Variants in KIF13A observed in about 807,000 individuals in gnomAD.
The protein encoded by KIF13A is kinesin family member 13A, also known as kinesin-like protein KIF13A.
In KIF13A, 79 loss-of-function variants were observed where a neutral mutation model predicts 212.2. The ratio of observed to expected loss-of-function variants is 0.37; its 90% CI spans 0.31 to 0.45. The LOEUF (loss-of-function observed/expected upper bound fraction) is 0.45. KIF13A is among the 20% of genes least tolerant of loss of function. The probability of loss-of-function intolerance (pLI) is 1.00; values close to 1 mark genes in which losing one functional copy is unlikely to be tolerated. For missense variants in KIF13A, 1,901 were observed against 2,209.0 expected, an observed-to-expected ratio of 0.86 and a Z score of 2.79; for synonymous variants, 789 against 808.6, an observed-to-expected ratio of 0.98 and a Z score of 0.41.
intron 3 of KIF13A, among the ~76,000 whole-genome samples, chr6:17,881,323 GAT>G (rs1021499478): frequency 6.6e-6 from 1 of 151,938 alleles, no homozygotes; most frequent in African/African-American, 2.4e-5. Flanking sequence ...TGTGTTGAGA[GAT>G]ATATATAATC....
chr6:17,761,957 G>A (rs946138519), downstream of KIF13A, among the ~76,000 whole-genome samples: 1 of 152,132 alleles, frequency 6.6e-6, no homozygotes, highest in African/African-American at 2.4e-5. Context: ...GGGATGGGGA[G>A]GAAGGAAGGG....
rs778779997 is a variant in KIF13A at position 17,926,343 on chromosome 6, G to A, written c.147-28163C>T. Among the ~76,000 whole-genome samples, 4 of 151,984 alleles carry A rather than the reference G, an allele frequency of 2.6e-5. No homozygotes were observed. Among genetic ancestry groups the A allele is most frequent in the African/African-American group, 4.8e-5 (2 of 41,360 alleles). On this transcript the variant is annotated intron_variant, in intron 2 of 38. Coordinates refer to ENST00000259711, the MANE Select transcript of KIF13A (RefSeq NM_022113.6). The surrounding 1 kb of genome is among the most constrained non-coding windows in gnomAD (Gnocchi z 4.3). ...TGTCTCCTGGGTTCAAGTGATTCTCGTGCCTCAGTCTCCCGAGTAGCTGGG... is the reference window on the plus strand; with the variant it reads ...TGTCTCCTGGGTTCAAGTGATTCTCATGCCTCAGTCTCCCGAGTAGCTGGG...
rs1770118488 is a variant in KIF13A at position 17,872,591 on chromosome 6, T to C, written c.220+786A>G. The stretch of plus-strand genomic sequence containing the variant: ...CATAATATATACATATTTCAAAACA[T>C]CACACTGTACATGATAAATATATGC... On this transcript the variant is annotated intron_variant, in intron 4 of 38. Coordinates refer to ENST00000259711, the MANE Select transcript of KIF13A (RefSeq NM_022113.6). This position sits in a 1 kb window ranked among gnomAD's most constrained non-coding sequence, Gnocchi z 4.7. 6.6e-6 allele frequency among the ~76,000 whole-genome samples: 1 copy of C among 152,222 alleles called. No homozygotes were observed. Among genetic ancestry groups the C allele is most frequent in the Non-Finnish European group, 1.5e-5 (1 of 68,046 alleles).
intron 2 of KIF13A, among the ~76,000 whole-genome samples, chr6:17,937,979 C>T (rs1776623499): frequency 6.6e-6 from 1 of 152,214 alleles, no homozygotes; most frequent in East Asian, 1.9e-4. Context: ...AACTCCTGAC[C>T]TCAGGTAATC....
rs1247652268 is a variant in KIF13A at position 17,951,453 on chromosome 6, A to G, written c.146+35601T>C. On this transcript the variant is annotated intron_variant, in intron 2 of 38. Coordinates refer to ENST00000259711, the MANE Select transcript of KIF13A (RefSeq NM_022113.6). The surrounding 1 kb of genome is among the most constrained non-coding windows in gnomAD (Gnocchi z 4.9). Reference sequence around the variant, plus strand: ...GCCTCAATTTAAAAAAAAAAAAAAAACAGCTTTAAGATATAATTTATATAC... The same window carrying G: ...GCCTCAATTTAAAAAAAAAAAAAAAGCAGCTTTAAGATATAATTTATATAC... The G allele has an allele frequency of 1.8e-6, 1 of 560,114 alleles. No individual in the cohort carries two copies. The highest frequency in any genetic ancestry group is 3.3e-5 in the Admixed American group (1 of 30,382). The allele number at this position is 560,114 out of a possible 1,614,324, so 34.7% of individuals were successfully genotyped here.
At chr6:17,857,459 C>T (rs1324513050) in intron 4 of KIF13A, among the ~76,000 whole-genome samples, 4 of 152,106 alleles carry the variant, frequency 2.6e-5, no homozygotes, top group African/African-American at 9.7e-5. Context: ...CCATGTAAGA[C>T]GTGCCTTCCT....
intron 4 of KIF13A, among the ~76,000 whole-genome samples, chr6:17,864,323 T>C (rs1490291236): frequency 2.6e-5 from 4 of 152,154 alleles, no homozygotes. Context: ...TCCTCTGGGG[T>C]TTATGATTAG....
At chr6:17,840,770 T>C (rs1766429727) in intron 9 of KIF13A, among the ~76,000 whole-genome samples, 1 of 152,218 alleles carries the variant, frequency 6.6e-6, no homozygotes, top group South Asian at 2.1e-4. Context: ...ATGTCCATCA[T>C]ATGTCTTGTC....
At position 17,912,134 on chromosome 6, in the gene KIF13A, T is replaced by C. The variant is rs1308896627; in HGVS notation, c.147-13954A>G. ...GATTGTTTGTAATATAAAGGATAAA[T>C]GCTTGAGGGGATGGATACCCCATTC... On this transcript the variant is annotated intron_variant, in intron 2 of 38. Coordinates refer to ENST00000259711, the MANE Select transcript of KIF13A (RefSeq NM_022113.6). This position sits in a 1 kb window ranked among gnomAD's most constrained non-coding sequence, Gnocchi z 4.2. Among the ~76,000 whole-genome samples the C allele has an allele frequency of 1.2e-4, 19 of 152,172 alleles. No individual in the cohort carries two copies. Among genetic ancestry groups the C allele is most frequent in the Admixed American group, 1.2e-3 (19 of 15,272 alleles).
rs186379832 is a variant in KIF13A, at chr6:17,899,493, C to T, written c.147-1313G>A. On this transcript the variant is annotated intron_variant, in intron 2 of 38. Coordinates refer to ENST00000259711, the MANE Select transcript of KIF13A (RefSeq NM_022113.6). The surrounding 1 kb of genome is among the most constrained non-coding windows in gnomAD (Gnocchi z 5.2). ...ACTCCTTACAGAGCTCTGAGGGACT[C>T]GAACAAAACTGAGAGCTCAGTAGCA... is the stretch of plus-strand genomic sequence containing the variant. Among the ~76,000 whole-genome samples the T allele has an allele frequency of 4.6e-5, 7 of 152,180 alleles. No homozygotes were observed. The highest frequency in any genetic ancestry group is 2.6e-4 in the Admixed American group (4 of 15,288).
chr6:17,766,853 G>T (rs1340598509), intron 38 of KIF13A, among the ~76,000 whole-genome samples: 2 of 152,156 alleles, frequency 1.3e-5, no homozygotes, highest in Non-Finnish European at 2.9e-5. Flanking sequence ...TGCATCTCAA[G>T]ATTCTATATA....
intron 2 of KIF13A, among the ~76,000 whole-genome samples, chr6:17,965,916 C>A (rs1010832766): frequency 2.0e-5 from 3 of 152,162 alleles, no homozygotes; most frequent in African/African-American, 7.2e-5. Flanking sequence ...TGGTTCACGC[C>A]TGTAATCCCA....
At chr6:17,795,486 T>G (rs1206307044) in intron 23 of KIF13A, among the ~76,000 whole-genome samples, 2 of 150,456 alleles carry the variant, frequency 1.3e-5, no homozygotes, top group African/African-American at 2.4e-5. Flanking sequence ...GCCCAGCTAC[T>G]CAGGAGGCTG....
chr6:17,797,360 G>T (rs1324604930), intron 22 of KIF13A, among the ~76,000 whole-genome samples: 1 of 152,100 alleles, frequency 6.6e-6, no homozygotes, highest in East Asian at 1.9e-4. Context: ...TAAAGAAAAT[G>T]AAGAAAGCAA....
chr6:17,863,779 C>T (rs896388016), intron 4 of KIF13A, among the ~76,000 whole-genome samples: 4 of 152,044 alleles, frequency 2.6e-5, no homozygotes, highest in African/African-American at 4.8e-5. Context: ...TCCAAAAGAC[C>T]GAAGGATTTT....
rs1406605983 is a variant in KIF13A, at chr6:17,919,103, T to A, written c.147-20923A>T. Among the ~76,000 whole-genome samples the A allele has an allele frequency of 1.3e-5, 2 of 152,180 alleles. No homozygotes were observed. Among genetic ancestry groups the A allele is most frequent in the Admixed American group, 6.6e-5 (1 of 15,256 alleles). ...TCACTTGTAACATTTGAGAAAATGG[T>A]GATGTTTCCCTGAATAACTCCACTC... On this transcript the variant is annotated intron_variant, in intron 2 of 38. Coordinates refer to ENST00000259711, the MANE Select transcript of KIF13A (RefSeq NM_022113.6). This position sits in a 1 kb window ranked among gnomAD's most constrained non-coding sequence, Gnocchi z 4.1.
chr6:17,939,226 C>A (rs1776744536), intron 2 of KIF13A, among the ~76,000 whole-genome samples: 1 of 152,304 alleles, frequency 6.6e-6, no homozygotes, highest in Middle Eastern at 3.4e-3. Flanking sequence ...AACAACAATG[C>A]CTGCAAGGAA....
At position 17,915,959 on chromosome 6, in the gene KIF13A, ATAAAATAAAAT is replaced by A. The variant is rs1774473604; in HGVS notation, c.147-17790_147-17780del. On this transcript the variant is annotated intron_variant, in intron 2 of 38. Transcript: ENST00000259711. The surrounding 1 kb of genome is among the most constrained non-coding windows in gnomAD (Gnocchi z 4.4). ...CTCAAAAAAAAAAATAAAAATAAAA[ATAAAATAAAAT>A]AAAATAAATTACAGTTCAAATGAAT... Among the ~76,000 whole-genome samples, 5 of 124,448 alleles carry A rather than the reference ATAAAATAAAAT, an allele frequency of 4.0e-5. No individual in the cohort carries two copies. The highest frequency in any genetic ancestry group is 2.7e-4 in the East Asian group (1 of 3,676). 81.6% of individuals were successfully genotyped at this position (124,448 alleles called of 152,430 possible).
chr6:17,813,976 G>GC (rs1763676876), intron 17 of KIF13A, among the ~76,000 whole-genome samples: 1 of 131,440 alleles, frequency 7.6e-6, no homozygotes, highest in Non-Finnish European at 1.6e-5. Context: ...TTTTTGAGAT[G>GC]GAGTCTTGCT....
Sources: allele counts gnomAD v4.1 joint callset (sites outside exome capture counted in the v4.1 genomes callset), GRCh38; gene constraint gnomAD v4.1.1; non-coding constraint Gnocchi (gnomAD v3.1); transcripts MANE v1.5; gene names NCBI Gene and HGNC (gene_info 2026-07-23, HGNC 2026-07-21).